Variants in CHD9 observed in about 807,000 individuals in gnomAD.
CHD9 encodes ATP-dependent chromatin remodeler CHD9.
A neutral mutation model predicts 316.1 loss-of-function variants in CHD9; 77 were observed. The ratio of observed to expected loss-of-function variants is 0.24; its 90% confidence interval spans 0.20 to 0.29. CHD9 has a LOEUF of 0.29. Among genes scored for constraint, CHD9 ranks in the 10% least tolerant of loss-of-function variants. The pLI is 1.00. For missense variants in CHD9, 2,763 were observed against 3,438.1 expected, an observed-to-expected ratio of 0.80 and a Z score of 4.91; for synonymous variants, 1,129 against 1,158.3, an observed-to-expected ratio of 0.97 and a Z score of 0.51.
At chr16:53,296,190 C>T (rs1233358787) in intron 29 of CHD9, among the ~76,000 whole-genome samples, 1 of 152,068 alleles carries the variant, frequency 6.6e-6, no homozygotes, top group African/African-American at 2.4e-5. Flanking sequence ...TCTCCTGAAA[C>T]TTTTGGTTTC....
chr16:53,178,307 TTGTC>T (rs2152800366), intron 2 of CHD9, among the ~76,000 whole-genome samples: 1 of 152,304 alleles, frequency 6.6e-6, no homozygotes, highest in Non-Finnish European at 1.5e-5. Context: ...TGTGGATAGT[TTGTC>T]TGTGACCAGA....
intron 2 of CHD9, among the ~76,000 whole-genome samples, chr16:53,180,433 T>TA (rs1232061235): frequency 6.6e-6 from 1 of 152,230 alleles, no homozygotes; most frequent in Non-Finnish European, 1.5e-5. Context: ...AGGATCTCCT[T>TA]AAATTTATTT....
chr16:53,093,733 G>T (rs148445292), intron 1 of CHD9, among the ~76,000 whole-genome samples: 1 of 152,212 alleles, frequency 6.6e-6, no homozygotes, highest in African/African-American at 2.4e-5. Context: ...AGAGAATTAA[G>T]CTAACAGAGA....
At chr16:53,285,328 A>G (rs1001788993) in intron 24 of CHD9, among the ~76,000 whole-genome samples, 2 of 152,226 alleles carry the variant, frequency 1.3e-5, no homozygotes, top group Non-Finnish European at 2.9e-5. Context: ...AAATCAGTGA[A>G]AGAATATGAT....
intron 1 of CHD9, among the ~76,000 whole-genome samples, chr16:53,141,279 G>A (rs540175501): frequency 2.0e-5 from 3 of 152,314 alleles, no homozygotes; most frequent in African/African-American, 7.2e-5. Context: ...TAGCTGGTAA[G>A]TGATATAACC....
chr16:53,109,906 G>A (rs1194294775), intron 1 of CHD9, among the ~76,000 whole-genome samples: 1 of 149,166 alleles, frequency 6.7e-6, no homozygotes, highest in East Asian at 2.0e-4. Context: ...GGATGGTCTC[G>A]ATCTCCTGAT....
intron 2 of CHD9, among the ~76,000 whole-genome samples, chr16:53,184,390 G>A (rs1335858001): frequency 6.6e-6 from 1 of 152,138 alleles, no homozygotes; most frequent in African/African-American, 2.4e-5. Flanking sequence ...AGTCTGGAGT[G>A]CAGTTAAATT....
At chr16:53,150,960 T>C (rs2041052994) in intron 1 of CHD9, among the ~76,000 whole-genome samples, 1 of 152,156 alleles carries the variant, frequency 6.6e-6, no homozygotes, top group Non-Finnish European at 1.5e-5. Flanking sequence ...TTAGAATTTA[T>C]CCTCCGCGGA....
chr16:53,255,505 C>G lies in CHD9; in HGVS notation c.4030-95C>G, dbSNP rs1224944926. The stretch of plus-strand genomic sequence containing the variant: ...ATCCCAAACCCAAATGCAGTTTAAG[C>G]ATGCCTCTTGTGTTCTTTGACATCC... On this transcript the variant is annotated intron_variant, in intron 18 of 38. Transcript: ENST00000447540. 8.4e-6 allele frequency: 9 copies of G among 1,074,880 alleles called. No homozygotes were observed. In the East Asian group the frequency reaches 2.2e-4, roughly 26 times the overall value. 66.6% of individuals were successfully genotyped at this position (1,074,880 alleles called of 1,614,324 possible). A position where few individuals can be genotyped will look rare whatever the true frequency, so the allele number is the denominator to read the frequency against.
chr16:53,178,109 A>G (rs1466635025), intron 2 of CHD9, among the ~76,000 whole-genome samples: 1 of 152,212 alleles, frequency 6.6e-6, no homozygotes, highest in Non-Finnish European at 1.5e-5. Flanking sequence ...TCAGAGTGTC[A>G]GGGACCTGGA....
intron 1 of CHD9, among the ~76,000 whole-genome samples, chr16:53,056,460 C>A (rs1402502031): frequency 6.6e-6 from 1 of 152,222 alleles, no homozygotes; most frequent in African/African-American, 2.4e-5. Flanking sequence ...ACTATGAATA[C>A]TGCATTTGAT....
At chr16:53,300,415 A>G (rs1003531757) in intron 30 of CHD9, among the ~76,000 whole-genome samples, 5 of 115,328 alleles carry the variant, frequency 4.3e-5, no homozygotes, top group African/African-American at 1.5e-4. Context: ...TGATGGATAC[A>G]AAATGCTACA....
intron 10 of CHD9, among the ~76,000 whole-genome samples, chr16:53,233,441 C>T (rs2048351130): frequency 6.6e-6 from 1 of 152,114 alleles, no homozygotes; most frequent in Non-Finnish European, 1.5e-5. Context: ...TCTTGTTCAC[C>T]TTTCTGTCAG....
chr16:53,172,167 T>C (rs2042805751), intron 2 of CHD9, among the ~76,000 whole-genome samples: 1 of 152,172 alleles, frequency 6.6e-6, no homozygotes, highest in Admixed American at 6.6e-5. Context: ...AAAAGTTCCC[T>C]ATTGCCTCTT....
At position 53,254,457 on chromosome 16, in the gene CHD9, G is replaced by A; in HGVS notation, c.3881G>A (p.Arg1294Lys). The A allele has an allele frequency of 6.3e-7, 1 of 1,586,208 alleles. No individual in the cohort carries two copies. The highest frequency in any genetic ancestry group is 8.6e-7 in the Non-Finnish European group (1 of 1,164,388). The change falls in exon 18 of 39, where the codon AGA becomes AAA. Residue 1294 changes from arginine (R) to lysine (K), a missense_variant. By Grantham distance (26) the Arg-to-Lys change is conservative. Transcript: ENST00000447540. ...TTATAGGCCCAAGCTCGTTGCCACAGAATTGGTCAGAACAAAGCAGTTAAA... is the reference window on the plus strand; with the variant it reads ...TTATAGGCCCAAGCTCGTTGCCACAAAATTGGTCAGAACAAAGCAGTTAAA... ...NDLQAQARCH[R>K]IGQNKAVKVY...
intron 1 of CHD9, among the ~76,000 whole-genome samples, chr16:53,130,486 C>T (rs113358828): frequency 6.7e-6 from 1 of 149,686 alleles, no homozygotes; most frequent in Admixed American, 6.6e-5. Flanking sequence ...GGCCGCGGGG[C>T]GGGCGGCGCG....
intron 34 of CHD9, among the ~76,000 whole-genome samples, chr16:53,309,791 T>G (rs150139921): frequency 2.6e-5 from 4 of 152,286 alleles, no homozygotes; most frequent in African/African-American, 7.2e-5. Context: ...CTTAGTACTT[T>G]AATTTATCTG....
chr16:53,089,122 A>AATAAT (rs1567319193), intron 1 of CHD9, among the ~76,000 whole-genome samples: 2 of 150,180 alleles, frequency 1.3e-5, no homozygotes, highest in African/African-American at 4.9e-5. Context: ...AAAAAAAAAA[A>AATAAT]AATAATAATA....
At chr16:53,249,431 C>T (rs567762382) in intron 16 of CHD9, among the ~76,000 whole-genome samples, 70 of 152,252 alleles carry the variant, frequency 4.6e-4, no homozygotes, top group Non-Finnish European at 8.8e-4. Flanking sequence ...CCAGTGTATT[C>T]TTAATAGATT....
Sources: allele counts gnomAD v4.1 joint callset (sites outside exome capture counted in the v4.1 genomes callset), GRCh38; gene constraint gnomAD v4.1.1; transcripts MANE v1.5; gene names NCBI Gene and HGNC (gene_info 2026-07-23, HGNC 2026-07-21).